The following SLX4IP variants were observed in gnomAD, a reference collection of about 807,000 sequenced individuals.
SLX4IP encodes protein SLX4IP.
In SLX4IP, 34 loss-of-function variants were observed where a neutral mutation model predicts 32.9. The observed-to-expected ratio is 1.03, with a 90% CI of 0.79 to 1.38. The LOEUF (loss-of-function observed/expected upper bound fraction) is 1.38. Ranked by LOEUF, SLX4IP falls within the 40% of genes most tolerant of loss-of-function variation. The pLI is 0.00. For missense variants in SLX4IP, 444 were observed against 479.0 expected (o/e 0.93, Z 0.68); for synonymous variants, 172 against 171.7 (o/e 1.00, Z -0.01).
chr20:10,582,684 G>A (rs967456755), intron 4 of SLX4IP, among the ~76,000 whole-genome samples: 1 of 152,128 alleles, frequency 6.6e-6, no homozygotes, highest in Admixed American at 6.5e-5. Context: ...TTAAGCTTAA[G>A]GAAGATAAGA....
At chr20:10,455,160 A>AT (rs1414415549) in intron 1 of SLX4IP, among the ~76,000 whole-genome samples, 2 of 151,884 alleles carry the variant, frequency 1.3e-5, no homozygotes, top group African/African-American at 2.4e-5. Flanking sequence ...TGATTTGCAG[A>AT]TTTTTTTTCT....
At chr20:10,517,696 A>T (rs934049484) in intron 2 of SLX4IP, among the ~76,000 whole-genome samples, 1 of 152,106 alleles carries the variant, frequency 6.6e-6, no homozygotes, top group Non-Finnish European at 1.5e-5. Flanking sequence ...CATCTTGGGT[A>T]TTTAGGAAGC....
At chr20:10,444,191 A>C (rs2065181692) in intron 1 of SLX4IP, among the ~76,000 whole-genome samples, 1 of 152,214 alleles carries the variant, frequency 6.6e-6, no homozygotes, top group African/African-American at 2.4e-5. Context: ...GAGGTACTTT[A>C]AGAGGCTGTA....
intron 2 of SLX4IP, among the ~76,000 whole-genome samples, chr20:10,554,924 T>C (rs2066252130): frequency 6.6e-6 from 1 of 152,164 alleles, no homozygotes; most frequent in Non-Finnish European, 1.5e-5. Context: ...TGGTGCTTTT[T>C]TCGTTAACAG....
chr20:10,609,043 C>T (rs1264924760), intron 6 of SLX4IP, among the ~76,000 whole-genome samples: 1 of 152,076 alleles, frequency 6.6e-6, no homozygotes, highest in Non-Finnish European at 1.5e-5. Context: ...AACTTGTGAC[C>T]TTCAGTGGGA....
intron 2 of SLX4IP, among the ~76,000 whole-genome samples, chr20:10,501,333 G>A (rs760157578): frequency 1.3e-4 from 19 of 151,920 alleles, no homozygotes; most frequent in Non-Finnish European, 2.1e-4. Flanking sequence ...GTTCTTATTT[G>A]TTCTCCCCTC....
chr20:10,558,199 A>T (rs866404775), intron 3 of SLX4IP, among the ~76,000 whole-genome samples: 1 of 151,868 alleles, frequency 6.6e-6, no homozygotes, highest in Non-Finnish European at 1.5e-5. Flanking sequence ...AATTAGCCAG[A>T]TGTGGTGGCT....
In SLX4IP at chr20:10,625,109, T is replaced by C. The variant is rs981186379; in HGVS notation, c.*1730T>C. The stretch of plus-strand genomic sequence containing the variant: ...TAACTTCAGTGGAGCTGACTCTGCT[T>C]ATACAATAGGGGTGGGCTGCACAGA... On this transcript the variant is annotated 3_prime_UTR_variant, in exon 8 of 8. Coordinates refer to ENST00000334534, the MANE Select transcript of SLX4IP (RefSeq NM_001009608.3). The C allele has an allele frequency of 5.3e-5, 8 of 152,186 alleles. No homozygotes were observed. The highest frequency in any genetic ancestry group is 1.9e-4 in the African/African-American group (8 of 41,440). The allele number at this position is 152,186 out of a possible 1,614,324, so 9.4% of individuals were successfully genotyped here.
At position 10,484,274 on chromosome 20, in the gene SLX4IP, C is replaced by T. The variant is rs145664854; in HGVS notation, c.27+26043C>T. Among the ~76,000 whole-genome samples the T allele has an allele frequency of 9.4e-3, 1,433 of 152,192 alleles. 26 individuals are homozygous for T. Among genetic ancestry groups the T allele is most frequent in the African/African-American group, 0.033 (1,358 of 41,520 alleles). ...TATTCATTCTGATAGCAAAATATAG[C>T]ATCTAGTAGAGTCAGATCTTGATGG... On this transcript the variant is annotated intron_variant, in intron 2 of 7. Coordinates refer to ENST00000334534, the MANE Select transcript of SLX4IP (RefSeq NM_001009608.3).
intron 2 of SLX4IP, among the ~76,000 whole-genome samples, chr20:10,538,366 T>C (rs2066068131): frequency 1.3e-5 from 2 of 151,966 alleles, no homozygotes; most frequent in Admixed American, 1.3e-4. Flanking sequence ...GCCTGTGCAG[T>C]ATAGGGTGTT....
chr20:10,519,629 C>T (rs1396372390), intron 2 of SLX4IP, among the ~76,000 whole-genome samples: 1 of 152,166 alleles, frequency 6.6e-6, no homozygotes, highest in African/African-American at 2.4e-5. Flanking sequence ...AGTTGAGGGA[C>T]ATTTGGATTG....
chr20:10,473,275 AGCAACTAAGG>A lies in SLX4IP; in HGVS notation c.27+15048_27+15057del, dbSNP rs571786339. Among the ~76,000 whole-genome samples, 8 of 152,330 alleles carry A rather than the reference AGCAACTAAGG, an allele frequency of 5.3e-5. No individual in the cohort carries two copies. The East Asian group carries it at 1.4e-3, about 26-fold the overall frequency. On this transcript the variant is annotated intron_variant, in intron 2 of 7. Coordinates refer to ENST00000334534, the MANE Select transcript of SLX4IP (RefSeq NM_001009608.3). ...TGAAACCACTGGGGTCAGAAAGCTCAGCAACTAAGGGCAGTAGGAGAAAAGAAAATCTCTG... is the reference window on the plus strand; with the variant it reads ...TGAAACCACTGGGGTCAGAAAGCTCAGCAGTAGGAGAAAAGAAAATCTCTG...
intron 6 of SLX4IP, among the ~76,000 whole-genome samples, chr20:10,620,152 G>A (rs1308995692): frequency 1.3e-5 from 2 of 152,056 alleles, no homozygotes; most frequent in African/African-American, 4.8e-5. Flanking sequence ...TCTAAAGCAA[G>A]GACCTACTGA....
chr20:10,444,911 T>C (rs181376091), intron 1 of SLX4IP, among the ~76,000 whole-genome samples: 1 of 152,272 alleles, frequency 6.6e-6, no homozygotes, highest in East Asian at 1.9e-4. Context: ...CATAGCACCA[T>C]GTTGTGATTT....
rs937938680 is a variant in SLX4IP at position 10,473,795 on chromosome 20, G to A, written c.27+15564G>A. Among the ~76,000 whole-genome samples the A allele has an allele frequency of 5.3e-5, 8 of 151,390 alleles. No homozygotes were observed. In the East Asian group the frequency reaches 5.8e-4, roughly 11 times the overall value. On this transcript the variant is annotated intron_variant, in intron 2 of 7. Coordinates refer to ENST00000334534, the MANE Select transcript of SLX4IP (RefSeq NM_001009608.3). ...TTTTTAAAAAATGTTTAGTAGAGACGGGGTTTCACCATGTTGGCCCGGCTG... is the reference window on the plus strand; with the variant it reads ...TTTTTAAAAAATGTTTAGTAGAGACAGGGTTTCACCATGTTGGCCCGGCTG...
At chr20:10,517,710 C>A (rs1428149635) in intron 2 of SLX4IP, among the ~76,000 whole-genome samples, 2 of 152,094 alleles carry the variant, frequency 1.3e-5, no homozygotes, top group African/African-American at 4.8e-5. Flanking sequence ...AGGAAGCCCT[C>A]CATCTGTGCT....
rs539329563 is a variant in SLX4IP at position 10,623,342 on chromosome 20, C to T, written c.1190C>T (p.Pro397Leu). 6 of 1,612,260 alleles carry T rather than the reference C, an allele frequency of 3.7e-6. No individual in the cohort carries two copies. The African/African-American group carries it at 4.0e-5, about 11-fold the overall frequency. The change falls in exon 8 of 8, where the codon CCA becomes CTA. Residue 397 changes from proline to leucine, a missense_variant. By Grantham distance (98) the Pro-to-Leu change is moderately conservative (BLOSUM62 -3). Transcript: ENST00000334534. ...TERLSTIQNS[P>L]TKKRKKYERG... ...AGATTATCTACAATTCAGAACAGCC[C>T]AACCAAGAAAAGAAAGAAATACGAA...
At chr20:10,600,100 C>T (rs1568764071) in intron 5 of SLX4IP, among the ~76,000 whole-genome samples, 1 of 151,964 alleles carries the variant, frequency 6.6e-6, no homozygotes, top group Non-Finnish European at 1.5e-5. Context: ...AGTTTCCCTC[C>T]CATAAAATGA....
At chr20:10,459,049 G>C (rs1014163305) in intron 2 of SLX4IP, among the ~76,000 whole-genome samples, 10 of 152,160 alleles carry the variant, frequency 6.6e-5, no homozygotes, top group African/African-American at 2.4e-4. Flanking sequence ...TTTAATAATC[G>C]CCATTCTCAC....
Sources: allele counts gnomAD v4.1 joint callset (sites outside exome capture counted in the v4.1 genomes callset), GRCh38; gene constraint gnomAD v4.1.1; transcripts MANE v1.5; gene names NCBI Gene and HGNC (gene_info 2026-07-23, HGNC 2026-07-21).